Variants in WDFY4 observed in about 807,000 individuals in gnomAD.
The protein encoded by WDFY4 is WDFY family member 4.
In WDFY4, 169 loss-of-function variants were observed where a neutral mutation model predicts 351.9. The observed-to-expected ratio is 0.48, with a 90% CI of 0.42 to 0.55. The LOEUF (loss-of-function observed/expected upper bound fraction) is 0.55. Among genes scored for constraint, WDFY4 ranks in the 20% least tolerant of loss-of-function variants. The pLI, the probability that WDFY4 is intolerant of heterozygous loss-of-function variation, is 0.00. For missense variants in WDFY4, 3,803 were observed against 3,935.6 expected (o/e 0.97, Z 0.90); for synonymous variants, 1,622 against 1,574.6 (o/e 1.03, Z -0.71).
At chr10:48,856,877 C>T (rs1161814258) in intron 39 of WDFY4, among the ~76,000 whole-genome samples, 1 of 152,128 alleles carries the variant, frequency 6.6e-6, no homozygotes, top group Non-Finnish European at 1.5e-5. Flanking sequence ...ACCAGAAAAA[C>T]TCTTAGCTAC....
intron 35 of WDFY4, chr10:48,823,590 C>T: frequency 1.9e-6 from 2 of 1,053,296 alleles, no homozygotes; most frequent in Non-Finnish European, 2.3e-6. Flanking sequence ...TCAGGAACAA[C>T]TCCAAGAGAG....
intron 13 of WDFY4, among the ~76,000 whole-genome samples, chr10:48,762,118 A>G (rs1184148619): frequency 6.6e-6 from 1 of 152,228 alleles, no homozygotes; most frequent in East Asian, 1.9e-4. Flanking sequence ...GACGGAGGCA[A>G]CATGTTTGGG....
At chr10:48,954,205 G>A (rs1172618470) in intron 51 of WDFY4, among the ~76,000 whole-genome samples, 3 of 152,214 alleles carry the variant, frequency 2.0e-5, no homozygotes, top group African/African-American at 7.2e-5. Flanking sequence ...ACATGTGAGT[G>A]ATGTCTTAAC....
intron 1 of WDFY4, among the ~76,000 whole-genome samples, chr10:48,703,118 A>G (rs1253329460): frequency 1.3e-5 from 2 of 152,222 alleles, no homozygotes; most frequent in African/African-American, 4.8e-5. Flanking sequence ...CATGGGGAAG[A>G]GGGAAGCAAG....
rs1266484181 is a variant in WDFY4, at chr10:48,966,511, T to C, written c.8437-15T>C. The C allele has an allele frequency of 2.6e-6, 4 of 1,550,760 alleles. No homozygotes were observed. The African/African-American group carries it at 4.1e-5, about 16-fold the overall frequency. On this transcript the variant is annotated splice_polypyrimidine_tract_variant and intron_variant, in intron 54 of 61. Transcript: ENST00000325239. ...CATCTCTCCCCTCATGTGTGTCTGTTCCCTGTCTCTCTAGCTCTTTACCAA... is the reference window on the plus strand; with the variant it reads ...CATCTCTCCCCTCATGTGTGTCTGTCCCCTGTCTCTCTAGCTCTTTACCAA...
At chr10:48,748,835 G>A (rs7082330) in intron 12 of WDFY4, among the ~76,000 whole-genome samples, 13,802 of 152,168 alleles carry the variant, frequency 0.091, 740 homozygotes, top group South Asian at 0.17. Flanking sequence ...CGTCTCTGCC[G>A]TACCACACTT....
chr10:48,914,034 G>A lies in WDFY4; in HGVS notation c.7586+12171G>A, dbSNP rs765467821. The A allele has an allele frequency of 6.8e-6, 11 of 1,614,090 alleles. No homozygotes were observed. Among genetic ancestry groups the A allele is most frequent in the Non-Finnish European group, 9.3e-6 (11 of 1,180,050 alleles). Reference sequence around the variant, plus strand: ...AAGGCGCAGAATACACTTGGGGAAGGTGGTAATTCCCATCTTGCTCAAGTC... The same window carrying A: ...AAGGCGCAGAATACACTTGGGGAAGATGGTAATTCCCATCTTGCTCAAGTC... On this transcript the variant is annotated intron_variant, in intron 47 of 61. Transcript: ENST00000325239.
intron 3 of WDFY4, 30 bp downstream of exon 3, chr10:48,720,155 C>T: frequency 1.3e-6 from 2 of 1,547,434 alleles, no homozygotes; most frequent in Non-Finnish European, 1.7e-6. Context: ...GGCAGACCCT[C>T]TACAGAGAGC....
At chr10:48,867,616 G>T (rs989343942) in intron 40 of WDFY4, among the ~76,000 whole-genome samples, 9 of 152,192 alleles carry the variant, frequency 5.9e-5, no homozygotes, top group African/African-American at 1.9e-4. Flanking sequence ...TTCTAAGTCT[G>T]CCCCTTTCTA....
rs117576237 is a variant in WDFY4 at position 48,821,505 on chromosome 10, C to G, written c.5824+329C>G. Among the ~76,000 whole-genome samples the G allele has an allele frequency of 1.2e-4, 19 of 152,340 alleles. No homozygotes were observed. In the East Asian group the frequency reaches 3.7e-3, roughly 29 times the overall value. On this transcript the variant is annotated intron_variant, in intron 34 of 61. Coordinates refer to ENST00000325239, the MANE Select transcript of WDFY4 (RefSeq NM_001394531.1). ...GGGAAACCAAGATACCACAATTTAA[C>G]CTTCCGTGCTCAGCATTCTGCCTGG...
intron 24 of WDFY4, among the ~76,000 whole-genome samples, chr10:48,799,665 C>T (rs754694127): frequency 5.4e-4 from 82 of 152,084 alleles, no homozygotes; most frequent in South Asian, 1.2e-3. Context: ...CCCAGCTAGT[C>T]GGGAGGCTGA....
At chr10:48,801,564 A>G (rs1272994989) in intron 24 of WDFY4, 2 of 454,988 alleles carry the variant, frequency 4.4e-6, no homozygotes, top group East Asian at 7.0e-5. Flanking sequence ...GCCTTCATCA[A>G]TACCAGCTGT....
chr10:48,700,072 T>A (rs1274642164), intron 1 of WDFY4, among the ~76,000 whole-genome samples: 2 of 152,224 alleles, frequency 1.3e-5, no homozygotes, highest in Non-Finnish European at 2.9e-5. Context: ...TTAGAACCAC[T>A]GCTTTTCAGA....
chr10:48,828,935 GGGC>G (rs754116490), intron 37 of WDFY4, 39 bp downstream of exon 37: 2 of 259,622 alleles, frequency 7.7e-6, no homozygotes, highest in Non-Finnish European at 7.8e-6. Context: ...GGCGGGGGGG[GGGC>G]GGGGAGGGGG....
At chr10:48,970,019 A>T in intron 56 of WDFY4, 112 bp from the exon 57 acceptor site, 1 of 1,297,612 alleles carries the variant, frequency 7.7e-7, no homozygotes, top group Non-Finnish European at 1.0e-6. Flanking sequence ...AACACATGGC[A>T]TGTCCCCAGT....
At chr10:48,856,553 A>T (rs892479655) in intron 39 of WDFY4, among the ~76,000 whole-genome samples, 2 of 152,170 alleles carry the variant, frequency 1.3e-5, no homozygotes, top group African/African-American at 4.8e-5. Context: ...TTACATAGGT[A>T]TACACGTGCC....
At chr10:48,814,180 A>C in intron 31 of WDFY4, 98 bp downstream of exon 31, 2 of 1,389,422 alleles carry the variant, frequency 1.4e-6, no homozygotes, top group Non-Finnish European at 1.9e-6. Flanking sequence ...CTTCCCACTA[A>C]TGCAAGTAAT....
At position 48,735,898 on chromosome 10, in the gene WDFY4, G is replaced by C; in HGVS notation, c.1706G>C (p.Gly569Ala). Residue 569 changes from glycine to alanine, a missense_variant, in exon 11 of 62, where the codon GGC becomes GCC. Physicochemically the swap from Gly to Ala is moderately conservative, Grantham distance 60. Transcript: ENST00000325239. ...TCCTTAGTTGTCCTGAAGGACCACG[G>C]CATGGTGCCCTTCATCAAGATCTTC... ...VRNAVVLKDH[G>A]MVPFIKIFLD... is the part of the protein sequence containing the mutation. 2 of 1,551,628 alleles carry C rather than the reference G, an allele frequency of 1.3e-6. No individual in the cohort carries two copies. Among genetic ancestry groups the C allele is most frequent in the Non-Finnish European group, 1.7e-6 (2 of 1,146,988 alleles).
rs2066077566 is a variant in WDFY4, at chr10:48,777,637, C to A, written c.3175+142C>A. 1.5e-5 allele frequency: 12 copies of A among 822,164 alleles called. No individual in the cohort carries two copies. The Admixed American group carries it at 2.7e-4, about 19-fold the overall frequency. 50.9% of individuals were successfully genotyped at this position (822,164 alleles called of 1,614,324 possible). A position where few individuals can be genotyped will look rare whatever the true frequency, so the allele number is the denominator to read the frequency against. ...ATGGTGGCTCACACCTGTAATACTG[C>A]AATTTGGGAGGCCAAGACAGGAGGA... On this transcript the variant is annotated intron_variant, in intron 17 of 61. Coordinates refer to ENST00000325239, the MANE Select transcript of WDFY4 (RefSeq NM_001394531.1).
Sources: gnomAD v4.1 joint callset for allele counts (sites outside exome capture counted in the v4.1 genomes callset) on GRCh38, gnomAD v4.1.1 for gene constraint, MANE v1.5 for transcripts, NCBI Gene and HGNC (gene_info 2026-07-23, HGNC 2026-07-21) for gene names.